Variants in MYO3A observed in about 807,000 individuals in gnomAD.
MYO3A encodes myosin IIIA, also known as myosin-IIIa.
In MYO3A, 180 loss-of-function variants were observed where a neutral mutation model predicts 192.7. That is an observed-to-expected ratio of 0.93 (90% CI 0.83 to 1.06). The LOEUF (loss-of-function observed/expected upper bound fraction) is 1.06, where lower values mean the gene tolerates loss of function less well. MYO3A is among the 50% of genes least tolerant of loss of function. MYO3A has a pLI of 0.00. For missense variants in MYO3A, 1,896 were observed against 1,905.0 expected (o/e 1.00, Z 0.09); for synonymous variants, 628 against 645.3 (o/e 0.97, Z 0.41).
intron 10 of MYO3A, among the ~76,000 whole-genome samples, chr10:26,059,401 G>A (rs1834323507): frequency 6.6e-6 from 1 of 152,150 alleles, no homozygotes; most frequent in Non-Finnish European, 1.5e-5. Context: ...AAAAGAGGTT[G>A]AATTTTGTCA....
intron 31 of MYO3A, among the ~76,000 whole-genome samples, chr10:26,178,450 G>A (rs1466113444): frequency 6.6e-6 from 1 of 151,950 alleles, no homozygotes; most frequent in African/African-American, 2.4e-5. Context: ...TACTCTGGAG[G>A]CTGAGGCAAG....
chr10:26,094,464 G>T (rs1182784251), intron 15 of MYO3A, among the ~76,000 whole-genome samples: 1 of 110,826 alleles, frequency 9.0e-6, no homozygotes, highest in Non-Finnish European at 1.7e-5. Context: ...TCGCTCTGTT[G>T]CCCAGGCTGG....
intron 19 of MYO3A, among the ~76,000 whole-genome samples, chr10:26,126,609 T>C (rs553346668): frequency 2.0e-5 from 3 of 152,298 alleles, no homozygotes; most frequent in Non-Finnish European, 2.9e-5. Context: ...ATCTATATTA[T>C]GTCAAGCATT....
intron 26 of MYO3A, among the ~76,000 whole-genome samples, chr10:26,158,103 T>C (rs111418813): frequency 6.6e-5 from 10 of 152,188 alleles, no homozygotes; most frequent in African/African-American, 2.4e-4. Flanking sequence ...AAATCTGCTC[T>C]AACTACCTGA....
At chr10:26,117,824 A>G (rs528456504) in intron 17 of MYO3A, among the ~76,000 whole-genome samples, 61 of 151,938 alleles carry the variant, frequency 4.0e-4, no homozygotes, top group Middle Eastern at 3.4e-3. Context: ...TATCTTTATA[A>G]TAGAAAAATT....
intron 10 of MYO3A, among the ~76,000 whole-genome samples, chr10:26,027,775 A>G (rs951809955): frequency 1.3e-5 from 2 of 152,218 alleles, no homozygotes; most frequent in Non-Finnish European, 2.9e-5. Flanking sequence ...TAATGGCTAG[A>G]TAGCATTCCC....
chr10:26,104,420 G>T (rs1248555978), intron 17 of MYO3A, among the ~76,000 whole-genome samples: 2 of 152,054 alleles, frequency 1.3e-5, no homozygotes, highest in African/African-American at 2.4e-5. Flanking sequence ...GACATTCAGT[G>T]TACCAGCACC....
intron 14 of MYO3A, among the ~76,000 whole-genome samples, chr10:26,085,695 C>G (rs1005989330): frequency 5.3e-5 from 8 of 152,194 alleles, no homozygotes; most frequent in African/African-American, 1.9e-4. Context: ...AGAGTGCTGC[C>G]TCAGCTCTGG....
At chr10:26,062,810 C>T (rs11014943) in intron 10 of MYO3A, among the ~76,000 whole-genome samples, 3 of 151,536 alleles carry the variant, frequency 2.0e-5, no homozygotes, top group Admixed American at 2.0e-4. Context: ...ACAGGTGGGG[C>T]GGGTTAACCC....
rs148453072 is a variant in MYO3A at position 26,066,992 on chromosome 10, C to G, written c.971C>G (p.Thr324Arg). The G allele has an allele frequency of 2.5e-6, 4 of 1,611,084 alleles. No homozygotes were observed. The highest frequency in any genetic ancestry group is 2.7e-5 in the African/African-American group (2 of 74,966). ...CTCCACAGACGTGAACGTATTCACA[C>G]GAAGAAAGGGAACTTCAACCGACCT... ...TEKARRERIH[T>R]KKGNFNRPLI... The change falls in exon 11 of 35, where the codon ACG becomes AGG. Residue 324 changes from threonine to arginine, a missense_variant. Transcript: ENST00000642920.
In MYO3A at chr10:26,188,569, T is replaced by C. The variant is rs551375811; in HGVS notation, c.4439-4636T>C. On this transcript the variant is annotated intron_variant, in intron 31 of 34. Transcript: ENST00000642920. The stretch of plus-strand genomic sequence containing the variant: ...GTTTTAGTCATGAATTCCTTGCCCA[T>C]GTAAGGAATGGTATTGCCTAGGTTT... Among the ~76,000 whole-genome samples the C allele has an allele frequency of 2.1e-4, 32 of 152,334 alleles. 3 individuals carry two copies. In the South Asian group the frequency reaches 6.6e-3, roughly 32 times the overall value.
chr10:25,956,965 G>C (rs1167832951), intron 4 of MYO3A, among the ~76,000 whole-genome samples: 1 of 152,054 alleles, frequency 6.6e-6, no homozygotes, highest in African/African-American at 2.4e-5. Context: ...TCCACTTATA[G>C]GTGAGAACAT....
At chr10:26,195,124 A>G (rs1236000276) in intron 32 of MYO3A, among the ~76,000 whole-genome samples, 1 of 152,110 alleles carries the variant, frequency 6.6e-6, no homozygotes, top group East Asian at 1.9e-4. Context: ...GCGATCACCA[A>G]TCTAGTTTTC....
chr10:26,158,148 T>C (rs1228008808), intron 26 of MYO3A, among the ~76,000 whole-genome samples: 2 of 152,206 alleles, frequency 1.3e-5, no homozygotes, highest in Non-Finnish European at 2.9e-5. Context: ...AGATACTGTC[T>C]CTAACGGTGA....
In MYO3A at chr10:26,157,299, G is replaced by C; in HGVS notation, c.2794-11G>C. Reference sequence around the variant, plus strand: ...CTACATTGGGAAATTTATTTTTGTTGTGTATTATAGTATTCCCTGATGGAT... The same window carrying C: ...CTACATTGGGAAATTTATTTTTGTTCTGTATTATAGTATTCCCTGATGGAT... On this transcript the variant is annotated splice_polypyrimidine_tract_variant and intron_variant, in intron 25 of 34. Coordinates refer to ENST00000642920, the MANE Select transcript of MYO3A (RefSeq NM_017433.5). 6.2e-7 allele frequency: 1 copy of C among 1,612,822 alleles called. No individual in the cohort carries two copies. Among genetic ancestry groups the C allele is most frequent in the Non-Finnish European group, 8.5e-7 (1 of 1,178,912 alleles).
At position 26,187,244 on chromosome 10, in the gene MYO3A, A is replaced by G. The variant is rs150544023; in HGVS notation, c.4439-5961A>G. On this transcript the variant is annotated intron_variant, in intron 31 of 34. Transcript: ENST00000642920. ...GACTTCGAGTTCCACTATTTAAAAA[A>G]AAAAATTCACAGTGAAAAATAGTAA... Among the ~76,000 whole-genome samples, 190 of 152,344 alleles carry G rather than the reference A, an allele frequency of 1.2e-3. 2 individuals carry two copies. The highest frequency in any genetic ancestry group is 3.8e-3 in the African/African-American group (156 of 41,580).
chr10:26,187,717 C>T (rs1029796762), intron 31 of MYO3A, among the ~76,000 whole-genome samples: 3 of 146,248 alleles, frequency 2.1e-5, no homozygotes, highest in Non-Finnish European at 4.5e-5. Flanking sequence ...GTTCAATTCC[C>T]ACCTGTGAGT....
At chr10:26,157,620 G>A (rs1841222804) in intron 26 of MYO3A, 105 bp downstream of exon 26, 3 of 1,221,092 alleles carry the variant, frequency 2.5e-6, no homozygotes, top group South Asian at 2.6e-5. Flanking sequence ...GTCTAGGAGG[G>A]AGGCATTTTG....
At position 26,167,415 on chromosome 10, in the gene MYO3A, A is replaced by G. The variant is rs545134702; in HGVS notation, c.3111+1237A>G. On this transcript the variant is annotated intron_variant, in intron 27 of 34. Transcript: ENST00000642920. ...TATTTTATTCACACCATTTTCTCTT[A>G]GATTATAAATTTCAAAATGATCAAT... 7.2e-5 allele frequency among the ~76,000 whole-genome samples: 11 copies of G among 152,296 alleles called. No homozygotes were observed. The East Asian group carries it at 1.9e-3, about 27-fold the overall frequency.
Sources: gnomAD v4.1 joint callset for allele counts (sites outside exome capture counted in the v4.1 genomes callset) on GRCh38, gnomAD v4.1.1 for gene constraint, MANE v1.5 for transcripts, NCBI Gene and HGNC (gene_info 2026-07-23, HGNC 2026-07-21) for gene names.